Variants in TMTC2 observed in about 807,000 individuals in gnomAD.
The protein encoded by TMTC2 is protein O-mannosyl-transferase TMTC2.
Under a neutral mutation model 82.4 loss-of-function variants are expected in TMTC2, and 43 were observed. The observed-to-expected ratio is 0.52, with a 90% CI of 0.41 to 0.67. The LOEUF is 0.67. Ranked by LOEUF, TMTC2 falls within the 30% of genes least tolerant of loss-of-function variation. The pLI, the probability that TMTC2 is intolerant of heterozygous loss-of-function variation, is 0.00. For missense variants in TMTC2, 919 were observed against 1,012.4 expected (o/e 0.91, Z 1.25); for synonymous variants, 408 against 381.9 (o/e 1.07, Z -0.80).
chr12:82,937,397 C>G (rs1682569), intron 4 of TMTC2, among the ~76,000 whole-genome samples: 137,670 of 152,166 alleles, frequency 0.9, 62,322 homozygotes, highest in East Asian at 0.97. Flanking sequence ...ATCTTCACAT[C>G]GCCATCTTCT....
Position 82,896,333 on chromosome 12 carries a change from G to A in TMTC2, c.1170G>A (p.Thr390=), listed in dbSNP as rs537394013. 133 of 1,614,040 alleles carry A rather than the reference G, an allele frequency of 8.2e-5. 1 individual carries two copies. In the South Asian group the frequency reaches 1.0e-3, roughly 13 times the overall value. ...CACAGAGAACCCAGCTTCCTTCTAC[G>A]GAGAACATTGTTGTTCTGTCTTTAT... ...DVSQRTQLPS[T]ENIVVLSLSL... The change falls in exon 3 of 12, where the codon ACG becomes ACA. Residue 390 remains threonine, a synonymous_variant. Coordinates refer to ENST00000321196, the MANE Select transcript of TMTC2 (RefSeq NM_152588.3).
chr12:82,709,065 C>T (rs1229775564), intron 1 of TMTC2, among the ~76,000 whole-genome samples: 1 of 151,584 alleles, frequency 6.6e-6, no homozygotes, highest in African/African-American at 2.4e-5. Context: ...ATGTCAGTAA[C>T]ATACTGCTGT....
At chr12:83,022,615 C>T (rs1382914790) in intron 8 of TMTC2, among the ~76,000 whole-genome samples, 3 of 152,010 alleles carry the variant, frequency 2.0e-5, no homozygotes, top group Admixed American at 6.6e-5. Flanking sequence ...TTTCTCAGTA[C>T]TTAGATGTAC....
intron 4 of TMTC2, among the ~76,000 whole-genome samples, chr12:82,943,172 A>G (rs1330134514): frequency 1.3e-5 from 2 of 152,212 alleles, no homozygotes; most frequent in Admixed American, 1.3e-4. Flanking sequence ...GAATGACTCA[A>G]TCTGAGCAAG....
intron 1 of TMTC2, among the ~76,000 whole-genome samples, chr12:82,849,846 T>C (rs535283545): frequency 6.6e-6 from 1 of 152,228 alleles, no homozygotes; most frequent in Admixed American, 6.5e-5. Context: ...TCCTTGATTT[T>C]GGTTCTTTTA....
intron 8 of TMTC2, among the ~76,000 whole-genome samples, chr12:83,007,700 C>T (rs1880266890): frequency 1.3e-5 from 2 of 151,824 alleles, no homozygotes; most frequent in South Asian, 4.2e-4. Context: ...ATTTTATTTA[C>T]CTTCATTTAT....
intron 11 of TMTC2, among the ~76,000 whole-genome samples, chr12:83,101,266 A>C (rs1884206209): frequency 6.6e-6 from 1 of 152,224 alleles, no homozygotes; most frequent in South Asian, 2.1e-4. Context: ...CCAGTTGCAA[A>C]GCTATAAATT....
chr12:82,844,312 A>G lies in TMTC2; in HGVS notation c.84-12698A>G, dbSNP rs115008271. ...ATCTGTTCTGAAATGTGTACAGCAC[A>G]TGCGTAAAGGCAAGTATTTTAACTG... is the stretch of plus-strand genomic sequence containing the variant. On this transcript the variant is annotated intron_variant, in intron 1 of 11. Transcript: ENST00000321196. Among the ~76,000 whole-genome samples the G allele has an allele frequency of 4.4e-3, 665 of 152,366 alleles. 3 individuals carry two copies. The highest frequency in any genetic ancestry group is 0.015 in the African/African-American group (643 of 41,584).
At chr12:82,889,779 A>G (rs1231680314) in intron 2 of TMTC2, among the ~76,000 whole-genome samples, 1 of 152,180 alleles carries the variant, frequency 6.6e-6, no homozygotes, top group Non-Finnish European at 1.5e-5. Flanking sequence ...ATGCATATAT[A>G]TAAACATTTA....
At chr12:83,088,422 T>G (rs1883732320) in intron 11 of TMTC2, among the ~76,000 whole-genome samples, 1 of 152,244 alleles carries the variant, frequency 6.6e-6, no homozygotes, top group Admixed American at 6.5e-5. Flanking sequence ...CACAGAGCTT[T>G]TGGCCTGTCT....
chr12:82,840,675 T>A (rs1003071383), intron 1 of TMTC2, among the ~76,000 whole-genome samples: 7 of 152,206 alleles, frequency 4.6e-5, no homozygotes, highest in African/African-American at 1.7e-4. Flanking sequence ...CATGGAGAGC[T>A]AAAAAGGCAC....
At chr12:82,733,764 A>G (rs1162766595) in intron 1 of TMTC2, among the ~76,000 whole-genome samples, 1 of 152,240 alleles carries the variant, frequency 6.6e-6, no homozygotes, top group East Asian at 1.9e-4. Flanking sequence ...GGAGGATATA[A>G]TGCTATTCTG....
rs78239328 is a variant in TMTC2 at position 82,844,740 on chromosome 12, T to G, written c.84-12270T>G. 3.5e-3 allele frequency among the ~76,000 whole-genome samples: 528 copies of G among 150,852 alleles called. 18 individuals are homozygous for G. In the East Asian group the frequency reaches 0.076, roughly 22 times the overall value. On this transcript the variant is annotated intron_variant, in intron 1 of 11. Transcript: ENST00000321196. ...TGGCGGGAACCCAGGAGGCGGAGCT[T>G]GCAGTGAGCCGAGATCGCATCACTG...
At chr12:83,069,130 C>T (rs1239137968) in intron 11 of TMTC2, among the ~76,000 whole-genome samples, 1 of 152,026 alleles carries the variant, frequency 6.6e-6, no homozygotes, top group African/African-American at 2.4e-5. Flanking sequence ...TGGGTTGGGT[C>T]CAAAATTTTG....
chr12:82,752,106 C>T (rs1860768877), intron 1 of TMTC2, among the ~76,000 whole-genome samples: 1 of 151,170 alleles, frequency 6.6e-6, no homozygotes, highest in Non-Finnish European at 1.5e-5. Flanking sequence ...TCCCTCTCCC[C>T]CATAGACTGT....
chr12:83,084,676 T>C (rs554388230), intron 11 of TMTC2, among the ~76,000 whole-genome samples: 4 of 152,314 alleles, frequency 2.6e-5, no homozygotes, highest in South Asian at 2.1e-4. Flanking sequence ...TGTGCTATTG[T>C]CTGTGGATGA....
intron 1 of TMTC2, among the ~76,000 whole-genome samples, chr12:82,735,432 G>A (rs1592886870): frequency 6.7e-6 from 1 of 150,100 alleles, no homozygotes; most frequent in Non-Finnish European, 1.5e-5. Flanking sequence ...TGCAAGCTCC[G>A]CCTCCCAGGT....
intron 1 of TMTC2, among the ~76,000 whole-genome samples, chr12:82,766,513 C>T (rs1174633404): frequency 2.0e-5 from 3 of 152,190 alleles, no homozygotes; most frequent in African/African-American, 7.2e-5. Flanking sequence ...TTCTTCACTT[C>T]ACTTCCTCTT....
chr12:82,803,052 T>C (rs1879085269), intron 1 of TMTC2, among the ~76,000 whole-genome samples: 1 of 151,864 alleles, frequency 6.6e-6, no homozygotes, highest in Admixed American at 6.6e-5. Context: ...TGAGAAGGAA[T>C]CAAAGATGAC....
Sources: gnomAD v4.1 joint callset for allele counts (sites outside exome capture counted in the v4.1 genomes callset) on GRCh38, gnomAD v4.1.1 for gene constraint, MANE v1.5 for transcripts, NCBI Gene and HGNC (gene_info 2026-07-23, HGNC 2026-07-21) for gene names.